Variants in MAGI1 observed in about 807,000 individuals in gnomAD.
MAGI1 encodes the protein membrane associated guanylate kinase, WW and PDZ domain containing 1.
Under a neutral mutation model 139.9 loss-of-function variants are expected in MAGI1, and 58 were observed. That is an observed-to-expected ratio of 0.41 (90% CI 0.34 to 0.52). The LOEUF (loss-of-function observed/expected upper bound fraction) is 0.52. Among genes scored for constraint, MAGI1 ranks in the 20% least tolerant of loss-of-function variants. The probability of loss-of-function intolerance (pLI) is 0.12; values close to 1 mark genes in which losing one functional copy is unlikely to be tolerated. For missense variants in MAGI1, 1,874 were observed against 1,901.6 expected (o/e 0.99, Z 0.27); for synonymous variants, 812 against 737.9 (o/e 1.10, Z -1.63).
At chr3:66,003,432 G>T (rs1414503347) in intron 1 of MAGI1, among the ~76,000 whole-genome samples, 1 of 151,936 alleles carries the variant, frequency 6.6e-6, no homozygotes, top group Non-Finnish European at 1.5e-5. Flanking sequence ...AAGGTGGGTG[G>T]ATCACAAGGT....
intron 1 of MAGI1, among the ~76,000 whole-genome samples, chr3:65,890,852 G>C (rs1297322903): frequency 2.0e-5 from 3 of 152,174 alleles, no homozygotes; most frequent in Non-Finnish European, 2.9e-5. Context: ...AGCTGGAACA[G>C]CACAAAACAT....
intron 3 of MAGI1, among the ~76,000 whole-genome samples, chr3:65,491,152 G>A (rs894191665): frequency 1.3e-5 from 2 of 151,996 alleles, no homozygotes; most frequent in African/African-American, 2.4e-5. Context: ...GATATTCTTC[G>A]GGTTTTTAGG....
chr3:65,609,285 G>GTTT (rs112624177), intron 2 of MAGI1, among the ~76,000 whole-genome samples: 2 of 146,336 alleles, frequency 1.4e-5, no homozygotes, highest in Non-Finnish European at 1.5e-5. Context: ...TCTTTTTTTT[G>GTTT]TTTTTTTTTT....
At chr3:65,364,799 C>T (rs1941251736) in intron 19 of MAGI1, 54 bp downstream of exon 19, 2 of 1,607,466 alleles carry the variant, frequency 1.2e-6, no homozygotes, top group Non-Finnish European at 1.7e-6. Flanking sequence ...CATATATTGT[C>T]ATGCTGGGAG....
intron 1 of MAGI1, among the ~76,000 whole-genome samples, chr3:65,806,126 A>G (rs566332310): frequency 6.6e-6 from 1 of 152,274 alleles, no homozygotes; most frequent in East Asian, 1.9e-4. Context: ...TAAAAATTAA[A>G]AATTTTTTTC....
chr3:65,466,967 C>A (rs933757952), intron 5 of MAGI1, among the ~76,000 whole-genome samples: 1 of 152,212 alleles, frequency 6.6e-6, no homozygotes, highest in African/African-American at 2.4e-5. Context: ...ATGCCCCTTT[C>A]CTGATCCTTT....
intron 2 of MAGI1, among the ~76,000 whole-genome samples, chr3:65,526,701 C>G (rs1313489524): frequency 1.3e-5 from 2 of 152,102 alleles, no homozygotes; most frequent in African/African-American, 4.8e-5. Flanking sequence ...CAAGAACAAC[C>G]AAGAGGGGGA....
Position 65,455,846 on chromosome 3 carries a change from T to C in MAGI1, c.960-2506A>G, listed in dbSNP as rs1440932543. Among the ~76,000 whole-genome samples the C allele has an allele frequency of 2.0e-5, 3 of 152,334 alleles. 1 individual carries two copies. Among genetic ancestry groups the C allele is most frequent in the South Asian group, 4.1e-4 (2 of 4,830 alleles). ...CCCCTCAGCATAATTCTCATCAAGA[T>C]TGTTGTATATATCAATAATCAATTC... is the stretch of plus-strand genomic sequence containing the variant. On this transcript the variant is annotated intron_variant, in intron 5 of 22. Coordinates refer to ENST00000402939, the MANE Select transcript of MAGI1 (RefSeq NM_001033057.2).
chr3:65,802,313 T>C (rs151145249), intron 1 of MAGI1, among the ~76,000 whole-genome samples: 9 of 152,190 alleles, frequency 5.9e-5, no homozygotes, highest in Non-Finnish European at 1.2e-4. Flanking sequence ...GTTATTCTGA[T>C]AGGAGAATTC....
At chr3:65,471,147 T>G (rs566308451) in intron 4 of MAGI1, among the ~76,000 whole-genome samples, 1 of 152,254 alleles carries the variant, frequency 6.6e-6, no homozygotes, top group Admixed American at 6.5e-5. Context: ...CAGTATCATG[T>G]GGGTGGACTG....
intron 14 of MAGI1, among the ~76,000 whole-genome samples, chr3:65,388,834 A>T (rs1282380105): frequency 3.3e-4 from 30 of 91,940 alleles, no homozygotes; most frequent in African/African-American, 1.0e-3. Context: ...ACCATTCCGA[A>T]TTTTTTTTTT....
chr3:65,718,949 C>G (rs2032627046), intron 1 of MAGI1, among the ~76,000 whole-genome samples: 1 of 149,442 alleles, frequency 6.7e-6, no homozygotes, highest in Non-Finnish European at 1.5e-5. Flanking sequence ...TTCCTGCCCT[C>G]TCTCTGCTCC....
At chr3:65,659,695 A>G (rs1344074312) in intron 1 of MAGI1, among the ~76,000 whole-genome samples, 1 of 152,168 alleles carries the variant, frequency 6.6e-6, no homozygotes, top group Non-Finnish European at 1.5e-5. Flanking sequence ...TTTGCAATAA[A>G]TCTTGCTACT....
chr3:65,850,053 T>C (rs553035571), intron 1 of MAGI1, among the ~76,000 whole-genome samples: 17 of 152,310 alleles, frequency 1.1e-4, no homozygotes, highest in South Asian at 6.2e-4. Context: ...TCTAGGGTCA[T>C]ACCCTATATT....
chr3:65,915,007 T>G (rs963108080), intron 1 of MAGI1, among the ~76,000 whole-genome samples: 6 of 152,336 alleles, frequency 3.9e-5, no homozygotes, highest in African/African-American at 1.4e-4. Context: ...TTGATAATTT[T>G]TTTACAAAGC....
chr3:65,667,086 C>T (rs1021841450), intron 1 of MAGI1, among the ~76,000 whole-genome samples: 1 of 152,130 alleles, frequency 6.6e-6, no homozygotes, highest in Non-Finnish European at 1.5e-5. Flanking sequence ...TCCTTCTGCC[C>T]GGAATGAGAA....
At chr3:65,739,362 T>C (rs1482847020) in intron 1 of MAGI1, among the ~76,000 whole-genome samples, 1 of 152,232 alleles carries the variant, frequency 6.6e-6, no homozygotes, top group African/African-American at 2.4e-5. Context: ...GGAAATGTTG[T>C]ACCTGGTTTA....
intron 1 of MAGI1, among the ~76,000 whole-genome samples, chr3:65,821,198 G>A (rs1478744783): frequency 6.6e-6 from 1 of 152,088 alleles, no homozygotes; most frequent in African/African-American, 2.4e-5. Flanking sequence ...TAGAACTCAA[G>A]GAAACAAAGT....
intron 1 of MAGI1, among the ~76,000 whole-genome samples, chr3:65,675,416 G>A (rs1249857291): frequency 6.6e-6 from 1 of 151,976 alleles, no homozygotes; most frequent in Non-Finnish European, 1.5e-5. Context: ...TTTAAAAACG[G>A]GGGAAATGCC....
Sources: allele counts gnomAD v4.1 joint callset (sites outside exome capture counted in the v4.1 genomes callset), GRCh38; gene constraint gnomAD v4.1.1; transcripts MANE v1.5; gene names NCBI Gene and HGNC (gene_info 2026-07-23, HGNC 2026-07-21).